The following IPP variants were observed in gnomAD, a reference collection of about 807,000 sequenced individuals.
IPP encodes the protein intracisternal A particle-promoted polypeptide, also known as actin-binding protein IPP.
Under a neutral mutation model 64.1 loss-of-function variants are expected in IPP, and 41 were observed. The ratio of observed to expected loss-of-function variants is 0.64; its 90% CI spans 0.50 to 0.83. The LOEUF (loss-of-function observed/expected upper bound fraction) is 0.83, where lower values mean the gene tolerates loss of function less well. IPP is among the 40% of genes least tolerant of loss of function. IPP has a pLI of 0.00. For missense variants in IPP, 649 were observed against 703.0 expected (o/e 0.92, Z 0.87); for synonymous variants, 214 against 235.2 (o/e 0.91, Z 0.83).
At chr1:45,750,014 C>T (rs1010261850) in intron 1 of IPP, among the ~76,000 whole-genome samples, 2 of 152,076 alleles carry the variant, frequency 1.3e-5, no homozygotes, top group East Asian at 3.9e-4. Flanking sequence ...GATCGCACCA[C>T]TGCATTCCAG....
intron 5 of IPP, among the ~76,000 whole-genome samples, chr1:45,725,102 C>T (rs1177626161): frequency 1.4e-5 from 2 of 140,630 alleles, no homozygotes; most frequent in African/African-American, 2.6e-5. Context: ...CCGCCCCGTC[C>T]GGGAGGGGGG....
chr1:45,698,256 C>T (rs148714996), downstream of IPP, among the ~76,000 whole-genome samples: 2 of 152,156 alleles, frequency 1.3e-5, no homozygotes, highest in African/African-American at 4.8e-5. Flanking sequence ...CACGCCTTTG[C>T]ACTCCAGCCT....
intron 2 of IPP, among the ~76,000 whole-genome samples, chr1:45,742,863 A>T (rs1646084724): frequency 6.6e-6 from 1 of 152,108 alleles, no homozygotes; most frequent in Admixed American, 6.6e-5. Flanking sequence ...CTATAACATA[A>T]GAGAAACTAT....
At chr1:45,743,056 G>C (rs2148583381) in intron 2 of IPP, among the ~76,000 whole-genome samples, 1 of 151,934 alleles carries the variant, frequency 6.6e-6, no homozygotes. Flanking sequence ...TCCTGCCTCA[G>C]CCTCCTAAGT....
intron 4 of IPP, among the ~76,000 whole-genome samples, chr1:45,728,166 G>A (rs1342258719): frequency 6.6e-6 from 1 of 150,636 alleles, no homozygotes; most frequent in East Asian, 1.9e-4. Context: ...GTGTGTGTGT[G>A]TGTGTGTTTG....
chr1:45,717,403 A>G (rs1645675230), intron 6 of IPP, among the ~76,000 whole-genome samples: 1 of 152,122 alleles, frequency 6.6e-6, no homozygotes, highest in Non-Finnish European at 1.5e-5. Flanking sequence ...TATCCTAATC[A>G]AGGCCAGCTC....
chr1:45,712,878 A>AATATATATATATATAT (rs1553189323), intron 8 of IPP, among the ~76,000 whole-genome samples: 1 of 138,640 alleles, frequency 7.2e-6, no homozygotes, highest in East Asian at 2.1e-4. Context: ...AAAAAAAAAA[A>AATATATATATATATAT]ATATATATAT....
chr1:45,733,416 C>T (rs762203941), intron 3 of IPP, among the ~76,000 whole-genome samples: 7 of 149,388 alleles, frequency 4.7e-5, no homozygotes, highest in Non-Finnish European at 1.0e-4. Flanking sequence ...CAAAGTAAGA[C>T]TTCATCTCAA....
At chr1:45,725,659 G>A (rs1242089305) in intron 5 of IPP, among the ~76,000 whole-genome samples, 3 of 138,868 alleles carry the variant, frequency 2.2e-5, no homozygotes, top group Non-Finnish European at 4.7e-5. Flanking sequence ...CGGGAAGGGT[G>A]GGGAAAAAAT....
rs1289556977 is a variant in IPP, at chr1:45,699,182, AG to A, written c.*783del. The stretch of plus-strand genomic sequence containing the variant: ...AGCAAAAACTTATCATCAAGCAAAA[AG>A]GTATCTATCTATTAAAATAGCTAGA... On this transcript the variant is annotated 3_prime_UTR_variant, in exon 9 of 9. Transcript: ENST00000396478. 80 of 985,436 alleles carry A rather than the reference AG, an allele frequency of 8.1e-5. 1 individual carries two copies. Among genetic ancestry groups the A allele is most frequent in the Non-Finnish European group, 8.6e-5 (71 of 829,918 alleles). 61.0% of individuals were successfully genotyped at this position (985,436 alleles called of 1,614,324 possible).
intron 5 of IPP, among the ~76,000 whole-genome samples, chr1:45,725,017 G>A (rs1352122067): frequency 2.1e-5 from 3 of 146,282 alleles, no homozygotes; most frequent in East Asian, 2.1e-4. Flanking sequence ...GTGGGAGGTG[G>A]GGGGGTCAGC....
chr1:45,736,561 C>A (rs1360546036), intron 3 of IPP, among the ~76,000 whole-genome samples: 1 of 151,854 alleles, frequency 6.6e-6, no homozygotes, highest in African/African-American at 2.4e-5. Flanking sequence ...GGAAAAGTTT[C>A]AAAGTTGAAA....
chr1:45,744,278 A>G (rs1646106046), intron 2 of IPP, among the ~76,000 whole-genome samples: 1 of 152,134 alleles, frequency 6.6e-6, no homozygotes, highest in South Asian at 2.1e-4. Flanking sequence ...CAGCCTTTCA[A>G]ATCTTTTTTC....
rs775386037 is a variant in IPP at position 45,739,632 on chromosome 1, CAT to C, written c.724+1267_724+1268del. ...AAAACTATTTTATACTATGGTAAAA[CAT>C]ATTTTCAGAATTAAGTTTAGAATCT... On this transcript the variant is annotated intron_variant, in intron 3 of 8. Coordinates refer to ENST00000396478, the MANE Select transcript of IPP (RefSeq NM_005897.3). 4.0e-5 allele frequency among the ~76,000 whole-genome samples: 6 copies of C among 151,786 alleles called. No homozygotes were observed. In the East Asian group the frequency reaches 5.8e-4, roughly 15 times the overall value.
intron 1 of IPP, 128 bp from the exon 2 acceptor site, chr1:45,746,589 G>A: frequency 5.6e-6 from 3 of 534,872 alleles, no homozygotes; most frequent in South Asian, 5.3e-5. Flanking sequence ...ACTAAAGTGT[G>A]GTACTATTAC....
At chr1:45,740,444 G>A (rs1388429668) in intron 3 of IPP, among the ~76,000 whole-genome samples, 1 of 152,010 alleles carries the variant, frequency 6.6e-6, no homozygotes, top group Non-Finnish European at 1.5e-5. Context: ...GGCTGGCCGG[G>A]CGGGGGGCTG....
intron 1 of IPP, among the ~76,000 whole-genome samples, chr1:45,747,097 TGCGCGCATGCGCGCGCACACG>T (rs1442165427): frequency 6.6e-6 from 1 of 151,844 alleles, no homozygotes; most frequent in Non-Finnish European, 1.5e-5. Context: ...CTACTCTTAG[TGCGCGCATGCGCGCGCACACG>T]AGCGCGCGCG....
downstream of IPP, among the ~76,000 whole-genome samples, chr1:45,695,875 G>A (rs1251714682): frequency 6.6e-6 from 1 of 152,070 alleles, no homozygotes. Flanking sequence ...CTCCATGTTG[G>A]TCAGGCTGGT....
At chr1:45,747,989 GA>G (rs36099192) in intron 1 of IPP, among the ~76,000 whole-genome samples, 15 of 142,356 alleles carry the variant, frequency 1.1e-4, no homozygotes, top group South Asian at 4.2e-4. Context: ...GCTGATGTTA[GA>G]AAAAAAATGG....
Sources: gnomAD v4.1 joint callset for allele counts (sites outside exome capture counted in the v4.1 genomes callset) on GRCh38, gnomAD v4.1.1 for gene constraint, MANE v1.5 for transcripts, NCBI Gene and HGNC (gene_info 2026-07-23, HGNC 2026-07-21) for gene names.